PDE8A: variants seen among roughly 807,000 people sequenced by gnomAD.
PDE8A encodes the protein phosphodiesterase 8A.
Under a neutral mutation model 105.0 loss-of-function variants are expected in PDE8A, and 59 were observed. The ratio of observed to expected loss-of-function variants is 0.56; its 90% confidence interval spans 0.46 to 0.70. PDE8A has a LOEUF of 0.70. PDE8A is among the 30% of genes least tolerant of loss of function. PDE8A has a pLI of 0.00. For synonymous variants in PDE8A, 355 were observed against 371.9 expected (o/e 0.95, Z 0.52); for missense variants, 1,014 against 1,045.9 (o/e 0.97, Z 0.42).
chr15:85,108,100 AAGG>A (rs1045031540), intron 11 of PDE8A, among the ~76,000 whole-genome samples: 3 of 152,218 alleles, frequency 2.0e-5, no homozygotes, highest in Non-Finnish European at 2.9e-5. Flanking sequence ...ATTTAGCAAA[AAGG>A]AGGTCGTTGG....
At chr15:84,980,726 G>C (rs1163871817), upstream of PDE8A, 1 of 152,308 alleles carries the variant, frequency 6.6e-6, no homozygotes, top group East Asian at 1.9e-4. Flanking sequence ...GCTAGTGGCT[G>C]TGTGCGTGTC....
In PDE8A at chr15:85,057,114, C is replaced by T. The variant is rs762911357; in HGVS notation, c.187-7256C>T. ...ACCCTGTTTGCCTGGGTATCACCAGCGGAGAACCACAAATACTGCAGAACG... is the reference window on the plus strand; with the variant it reads ...ACCCTGTTTGCCTGGGTATCACCAGTGGAGAACCACAAATACTGCAGAACG... On this transcript the variant is annotated intron_variant, in intron 1 of 21. Transcript: ENST00000394553. 4.7e-4 allele frequency among the ~76,000 whole-genome samples: 72 copies of T among 151,986 alleles called. 2 individuals are homozygous for T. Among genetic ancestry groups the T allele is most frequent in the Non-Finnish European group, 7.5e-4 (51 of 67,952 alleles).
intron 1 of PDE8A, among the ~76,000 whole-genome samples, chr15:85,028,115 CTTT>C (rs1298739243): frequency 1.9e-4 from 29 of 152,006 alleles, no homozygotes; most frequent in Admixed American, 1.9e-3. Context: ...TTTTAAAAAT[CTTT>C]TTTGAATATA....
At chr15:85,136,895 G>GC (rs1421733407) in intron 21 of PDE8A, among the ~76,000 whole-genome samples, 1 of 152,066 alleles carries the variant, frequency 6.6e-6, no homozygotes, top group Non-Finnish European at 1.5e-5. Flanking sequence ...TGAACTTGGG[G>GC]CCCCACAGCT....
chr15:85,023,344 C>T (rs562932861), intron 1 of PDE8A, among the ~76,000 whole-genome samples: 24 of 152,158 alleles, frequency 1.6e-4, no homozygotes, highest in Admixed American at 1.0e-3. Flanking sequence ...ATTTTTCTCC[C>T]GCAGTGGTTA....
chr15:84,993,221 A>T (rs759548133), intron 1 of PDE8A, among the ~76,000 whole-genome samples: 22 of 152,084 alleles, frequency 1.4e-4, no homozygotes, highest in Admixed American at 4.6e-4. Flanking sequence ...AGGCGGGCGG[A>T]TCACAAGGTC....
At chr15:85,046,712 A>T (rs1383833493) in intron 1 of PDE8A, among the ~76,000 whole-genome samples, 1 of 152,222 alleles carries the variant, frequency 6.6e-6, no homozygotes, top group Non-Finnish European at 1.5e-5. Flanking sequence ...GGCAAGGGAT[A>T]GGGAGGGTAG....
rs780514090 is a variant in PDE8A, at chr15:84,982,196, C to T, written c.34C>T (p.Arg12Cys). 1.3e-6 allele frequency: 2 copies of T among 1,483,562 alleles called. No homozygotes were observed. The highest frequency in any genetic ancestry group is 2.5e-5 in the South Asian group (2 of 78,760). The allele number at this position is 1,483,562 out of a possible 1,614,324, so 91.9% of individuals were successfully genotyped here. Residue 12 changes from arginine (R) to cysteine (C), a missense_variant, in exon 1 of 22, where the codon CGC (arginine) becomes TGC (cysteine). Transcript: ENST00000394553. ...GCAPSIHISE[R>C]LVAEDAPSPA... ...TGCCCCGAGCATCCACATTTCCGAGCGCCTGGTGGCCGAGGACGCGCCTAG... is the reference window on the plus strand; with the variant it reads ...TGCCCCGAGCATCCACATTTCCGAGTGCCTGGTGGCCGAGGACGCGCCTAG...
At chr15:85,056,838 C>T (rs2081067685) in intron 1 of PDE8A, among the ~76,000 whole-genome samples, 1 of 152,236 alleles carries the variant, frequency 6.6e-6, no homozygotes, top group Non-Finnish European at 1.5e-5. Context: ...ATTCTCCGTC[C>T]AGCTTTGTTC....
intron 18 of PDE8A, among the ~76,000 whole-genome samples, chr15:85,122,296 T>G (rs2082194768): frequency 1.3e-5 from 2 of 152,356 alleles, no homozygotes; most frequent in Admixed American, 1.3e-4. Flanking sequence ...CAGTGCTTGG[T>G]ACATACTAGG....
At chr15:85,090,987 C>T in intron 7 of PDE8A, 57 bp from the exon 8 acceptor site, 1 of 1,500,854 alleles carries the variant, frequency 6.7e-7, no homozygotes, top group Non-Finnish European at 9.1e-7. Context: ...TTTGATTGTC[C>T]TCTTTTTCAA....
intron 1 of PDE8A, among the ~76,000 whole-genome samples, chr15:85,030,990 ACAT>A (rs2080605906): frequency 6.6e-6 from 1 of 152,198 alleles, no homozygotes; most frequent in African/African-American, 2.4e-5. Context: ...TATTTCTATA[ACAT>A]CAGTACTCAG....
chr15:85,084,993 A>T (rs1270865939), intron 6 of PDE8A, among the ~76,000 whole-genome samples: 1 of 152,186 alleles, frequency 6.6e-6, no homozygotes, highest in Non-Finnish European at 1.5e-5. Flanking sequence ...TACCTGGATT[A>T]TTGAAACCAC....
chr15:85,109,291 C>T (rs1000849562), intron 12 of PDE8A, among the ~76,000 whole-genome samples, 161 bp downstream of exon 12: 10 of 152,224 alleles, frequency 6.6e-5, no homozygotes, highest in African/African-American at 2.4e-4. Flanking sequence ...CTGTGGACTC[C>T]TGCCAATGGG....
chr15:85,115,292 G>A (rs2082078241), intron 14 of PDE8A, 147 bp from the exon 15 acceptor site: 2 of 598,048 alleles, frequency 3.3e-6, no homozygotes, highest in Non-Finnish European at 5.9e-6. Flanking sequence ...TCAATCACAG[G>A]GGTGGACCTG....
At chr15:85,104,307 T>A (rs2081914408) in intron 11 of PDE8A, among the ~76,000 whole-genome samples, 1 of 152,074 alleles carries the variant, frequency 6.6e-6, no homozygotes, top group African/African-American at 2.4e-5. Flanking sequence ...TGACCTGGTG[T>A]CTGAAGAGAA....
intron 1 of PDE8A, among the ~76,000 whole-genome samples, chr15:85,041,791 T>C (rs570744433): frequency 4.9e-4 from 74 of 152,296 alleles, no homozygotes; most frequent in African/African-American, 1.7e-3. Flanking sequence ...CAGGCGATGA[T>C]TGTCCAAGGC....
intron 1 of PDE8A, among the ~76,000 whole-genome samples, chr15:85,011,528 C>T (rs1056680619): frequency 2.0e-5 from 3 of 152,120 alleles, no homozygotes; most frequent in Non-Finnish European, 2.9e-5. Flanking sequence ...TTATAAAACA[C>T]TCAATAAATT....
intron 8 of PDE8A, among the ~76,000 whole-genome samples, chr15:85,094,189 T>C (rs965449594): frequency 6.6e-6 from 1 of 152,046 alleles, no homozygotes; most frequent in African/African-American, 2.4e-5. Flanking sequence ...ATTTTTTTTT[T>C]CCCTCCCTCA....
Sources: allele counts gnomAD v4.1 joint callset (sites outside exome capture counted in the v4.1 genomes callset), GRCh38; gene constraint gnomAD v4.1.1; transcripts MANE v1.5; gene names NCBI Gene and HGNC (gene_info 2026-07-23, HGNC 2026-07-21).